PLEKHM3: variants seen among roughly 807,000 people sequenced by gnomAD.
PLEKHM3 encodes pleckstrin homology domain-containing family M member 3.
In PLEKHM3, 45 loss-of-function variants were observed where a neutral mutation model predicts 81.8. That is an observed-to-expected ratio of 0.55 (90% confidence interval 0.43 to 0.71). The LOEUF is 0.71. Ranked by LOEUF, PLEKHM3 falls within the 30% of genes least tolerant of loss-of-function variation. The pLI is 0.00. For missense variants in PLEKHM3, 788 were observed against 924.3 expected, an observed-to-expected ratio of 0.85 and a Z score of 1.91; for synonymous variants, 352 against 356.4, an observed-to-expected ratio of 0.99 and a Z score of 0.14.
intron 2 of PLEKHM3, 126 bp downstream of exon 2, chr2:208,000,902 AAG>A: frequency 1.1e-6 from 1 of 893,358 alleles, no homozygotes; most frequent in Non-Finnish European, 1.6e-6. Context: ...GAGCCAGATT[AAG>A]AGAGACAAAG....
chr2:207,838,082 C>T (rs1191189984), intron 7 of PLEKHM3, among the ~76,000 whole-genome samples: 2 of 151,978 alleles, frequency 1.3e-5, no homozygotes, highest in Non-Finnish European at 2.9e-5. Context: ...TCGAGTTCTC[C>T]CATTTTTATT....
chr2:207,935,774 A>G (rs565803915), intron 4 of PLEKHM3, among the ~76,000 whole-genome samples: 2 of 152,180 alleles, frequency 1.3e-5, no homozygotes, highest in Non-Finnish European at 2.9e-5. Context: ...TAATGTTACC[A>G]TACTCTATCA....
chr2:207,937,644 C>A (rs1689799644), intron 4 of PLEKHM3, among the ~76,000 whole-genome samples: 1 of 150,090 alleles, frequency 6.7e-6, no homozygotes. Context: ...TAAAATATGA[C>A]AGTTAAAATT....
intron 5 of PLEKHM3, among the ~76,000 whole-genome samples, chr2:207,923,880 C>CACACACATATATATATATATAT (rs1319162543): frequency 3.2e-4 from 18 of 56,776 alleles, no homozygotes; most frequent in Non-Finnish European, 4.5e-4. Flanking sequence ...CACACACACA[C>CACACACATATATATATATATAT]ATATATATAT....
intron 2 of PLEKHM3, among the ~76,000 whole-genome samples, chr2:207,998,002 T>G (rs1039358882): frequency 1.3e-5 from 2 of 152,186 alleles, no homozygotes; most frequent in Non-Finnish European, 2.9e-5. Context: ...CACAAATGCT[T>G]ATGAGAATAC....
At chr2:207,951,898 T>C (rs1368093079) in intron 3 of PLEKHM3, among the ~76,000 whole-genome samples, 1 of 152,140 alleles carries the variant, frequency 6.6e-6, no homozygotes, top group Non-Finnish European at 1.5e-5. Flanking sequence ...TGACCAGCAG[T>C]TGGAAAACTC....
intron 5 of PLEKHM3, among the ~76,000 whole-genome samples, chr2:207,927,861 G>A (rs1689454760): frequency 6.6e-6 from 1 of 152,138 alleles, no homozygotes; most frequent in Admixed American, 6.6e-5. Flanking sequence ...CTGGCTGCAG[G>A]AAGTATGGAC....
intron 6 of PLEKHM3, among the ~76,000 whole-genome samples, chr2:207,874,601 C>A (rs990082205): frequency 6.9e-6 from 1 of 145,730 alleles, no homozygotes; most frequent in South Asian, 2.2e-4. Context: ...ACTGTATTTT[C>A]TTTTTTTTGA....
intron 2 of PLEKHM3, among the ~76,000 whole-genome samples, chr2:207,982,821 G>C (rs1691581545): frequency 6.6e-6 from 1 of 151,592 alleles, no homozygotes; most frequent in Non-Finnish European, 1.5e-5. Context: ...CTCGTGATCT[G>C]CTTGCCTCGG....
chr2:207,983,187 G>T (rs1368488593), intron 2 of PLEKHM3, among the ~76,000 whole-genome samples: 29 of 152,020 alleles, frequency 1.9e-4, no homozygotes, highest in Admixed American at 1.8e-3. Flanking sequence ...AAGTAGCTGG[G>T]ACTACAGGCA....
At chr2:207,971,349 G>A (rs1691113469) in intron 3 of PLEKHM3, among the ~76,000 whole-genome samples, 2 of 152,154 alleles carry the variant, frequency 1.3e-5, no homozygotes, top group Non-Finnish European at 2.9e-5. Flanking sequence ...AAGTTCTAGT[G>A]TTCAATAGCA....
chr2:207,989,485 CA>C (rs1181516302), intron 2 of PLEKHM3, among the ~76,000 whole-genome samples: 2 of 152,186 alleles, frequency 1.3e-5, no homozygotes, highest in East Asian at 3.9e-4. Context: ...TTCCTTCATC[CA>C]TTATCCTCCA....
Position 207,891,785 on chromosome 2 carries a change from G to A in PLEKHM3, c.1950+16729C>T, listed in dbSNP as rs551749968. Reference sequence around the variant, plus strand: ...ATTCATTCATTCACCCCATATTTATGAGGCACTTTTTCTTGCCCAGGCACT... The same window carrying A: ...ATTCATTCATTCACCCCATATTTATAAGGCACTTTTTCTTGCCCAGGCACT... On this transcript the variant is annotated intron_variant, in intron 6 of 7. Coordinates refer to ENST00000427836, the MANE Select transcript of PLEKHM3 (RefSeq NM_001080475.3). 2.0e-5 allele frequency among the ~76,000 whole-genome samples: 3 copies of A among 152,240 alleles called. No individual in the cohort carries two copies. In the South Asian group the frequency reaches 6.2e-4, roughly 32 times the overall value.
chr2:207,921,617 A>T (rs1346942843), intron 5 of PLEKHM3, among the ~76,000 whole-genome samples: 67 of 152,130 alleles, frequency 4.4e-4, no homozygotes, highest in Admixed American at 4.4e-3. Context: ...TATTTCTCTA[A>T]CTGTAATTTG....
chr2:207,938,677 T>G (rs1268889354), intron 4 of PLEKHM3, among the ~76,000 whole-genome samples: 1 of 152,254 alleles, frequency 6.6e-6, no homozygotes, highest in Non-Finnish European at 1.5e-5. Flanking sequence ...GGTCCACTTT[T>G]GCTTTAAAAT....
chr2:207,951,955 A>G (rs1240651263), intron 3 of PLEKHM3, among the ~76,000 whole-genome samples: 1 of 152,154 alleles, frequency 6.6e-6, no homozygotes, highest in Non-Finnish European at 1.5e-5. Context: ...GATCCAACTG[A>G]ATCTCTCTCA....
chr2:207,921,919 AG>A (rs1373946320), intron 5 of PLEKHM3, among the ~76,000 whole-genome samples: 2 of 152,184 alleles, frequency 1.3e-5, no homozygotes, highest in African/African-American at 4.8e-5. Context: ...ACACTTCCAC[AG>A]TGACTAGTGG....
At chr2:207,961,732 G>C (rs10932217) in intron 3 of PLEKHM3, among the ~76,000 whole-genome samples, 87,432 of 151,974 alleles carry the variant, frequency 0.58, 27,071 homozygotes, top group Non-Finnish European at 0.7. Flanking sequence ...AAGCTGAGCA[G>C]TCCAGAGCTG....
chr2:207,851,947 G>A (rs578227771), intron 7 of PLEKHM3, among the ~76,000 whole-genome samples: 2 of 152,194 alleles, frequency 1.3e-5, no homozygotes, highest in East Asian at 3.9e-4. Context: ...GGAGGTGGAA[G>A]CTCTGTTGTT....
Sources: allele counts gnomAD v4.1 joint callset (sites outside exome capture counted in the v4.1 genomes callset), GRCh38; gene constraint gnomAD v4.1.1; transcripts MANE v1.5; gene names NCBI Gene and HGNC (gene_info 2026-07-23, HGNC 2026-07-21).